The following PLXNA1 variants were observed in gnomAD, a reference collection of about 807,000 sequenced individuals.
PLXNA1 encodes plexin-A1.
A neutral mutation model predicts 191.7 loss-of-function variants in PLXNA1; 77 were observed. That is an observed-to-expected ratio of 0.40 (90% confidence interval 0.33 to 0.49). The LOEUF is 0.49. PLXNA1 is among the 20% of genes least tolerant of loss of function. The pLI, the probability that PLXNA1 is intolerant of heterozygous loss-of-function variation, is 0.63. For synonymous variants in PLXNA1, 1,137 were observed against 1,156.4 expected (o/e 0.98, Z 0.34); for missense variants, 2,110 against 2,660.2 (o/e 0.79, Z 4.55).
chr3:127,008,731 C>A (rs2079080765), intron 9 of PLXNA1, among the ~76,000 whole-genome samples: 2 of 152,120 alleles, frequency 1.3e-5, no homozygotes, highest in African/African-American at 4.8e-5. Context: ...GGCTGCACTT[C>A]CCTGCCAGGC....
chr3:127,006,481 G>T (rs1260257223), intron 8 of PLXNA1, among the ~76,000 whole-genome samples: 2 of 152,226 alleles, frequency 1.3e-5, no homozygotes, highest in African/African-American at 4.8e-5. Context: ...TGCCCCACAG[G>T]GATCTTGTAG....
rs1183432262 is a variant in PLXNA1, at chr3:127,030,390, C to T, written c.5209C>T (p.Arg1737Cys). The stretch of plus-strand genomic sequence containing the variant: ...GCACCAGATCCACGATGCTGACGTG[C>T]GCCACACCTGGAAGAGCAACTGGTA... ...DKHQIHDADV[R>C]HTWKSNCLPL... The change falls in exon 29 of 32, where the codon CGC (arginine) becomes TGC (cysteine). Residue 1737 changes from arginine (R) to cysteine (C), a missense_variant. Around this residue, in one of 4 missense-constraint regions of PLXNA1, gnomAD observed 559 missense variants for 911.5 expected, o/e 0.61. Transcript: ENST00000393409. 1.9e-6 allele frequency: 3 copies of T among 1,613,812 alleles called. No homozygotes were observed. Among genetic ancestry groups the T allele is most frequent in the Non-Finnish European group, 8.5e-7 (1 of 1,180,000 alleles).
chr3:127,007,787 C>G lies in PLXNA1; in HGVS notation c.1998-12C>G. ...GGGTCCCCAGGCTTCAGCACCCACC[C>G]TCTCCCTGCAGCTGCCTGTCCTGTG... On this transcript the variant is annotated splice_polypyrimidine_tract_variant and intron_variant, in intron 8 of 31. Coordinates refer to ENST00000393409, the MANE Select transcript of PLXNA1 (RefSeq NM_032242.4). 1 of 1,594,004 alleles carries G rather than the reference C, an allele frequency of 6.3e-7. No individual in the cohort carries two copies. The highest frequency in any genetic ancestry group is 2.2e-5 in the East Asian group (1 of 44,578).
In PLXNA1 at chr3:127,005,219, G is replaced by T; in HGVS notation, c.1873G>T (p.Val625Leu). Residue 625 changes from valine (V) to leucine (L), a missense_variant, in exon 7 of 32, where the codon GTG becomes TTG. Val to Leu is a conservative substitution (Grantham distance 32, BLOSUM62 1). Coordinates refer to ENST00000393409, the MANE Select transcript of PLXNA1 (RefSeq NM_032242.4). Reference sequence around the variant, plus strand: ...CTGCCGCTCACCCTCCGCCCGGGAGGTGGCGCCCATCACGCGGGGCCAGGG... The same window carrying T: ...CTGCCGCTCACCCTCCGCCCGGGAGTTGGCGCCCATCACGCGGGGCCAGGG... ...IHCRSPSAREVAPITRGQGDQ... is the reference protein window; with the variant it reads ...IHCRSPSARELAPITRGQGDQ... 1.2e-6 allele frequency: 2 copies of T among 1,610,762 alleles called. No homozygotes were observed. The highest frequency in any genetic ancestry group is 1.7e-6 in the Non-Finnish European group (2 of 1,179,176).
At chr3:127,012,483 G>T (rs1236607141) in intron 10 of PLXNA1, among the ~76,000 whole-genome samples, 2 of 152,236 alleles carry the variant, frequency 1.3e-5, no homozygotes, top group Non-Finnish European at 2.9e-5. Context: ...GCATCCGTGG[G>T]TCCCAGGCAT....
chr3:127,022,430 G>A, intron 22 of PLXNA1, 89 bp downstream of exon 22: 1 of 1,503,868 alleles, frequency 6.6e-7, no homozygotes, highest in East Asian at 2.3e-5. Flanking sequence ...AGACGTTGCT[G>A]TGGCAGTTCC....
chr3:127,014,803 C>T lies in PLXNA1; in HGVS notation c.2849C>T (p.Ala950Val). The change falls in exon 14 of 32, where the codon GCC becomes GTC. Residue 950 changes from alanine to valine, a missense_variant. Physicochemically the swap from Ala to Val is moderately conservative, Grantham distance 64. Coordinates refer to ENST00000393409, the MANE Select transcript of PLXNA1 (RefSeq NM_032242.4). ...CVRDCSPHYR[A>V]LSPKRFTFVT... ...CGGGACTGCTCACCACACTACCGCG[C>T]CCTGTCACCCAAGCGCTTCACCTTC... 4 of 1,612,736 alleles carry T rather than the reference C, an allele frequency of 2.5e-6. No individual in the cohort carries two copies. In the South Asian group the frequency reaches 4.4e-5, roughly 18 times the overall value.
At chr3:126,986,569 T>C (rs1343895432) in intron 1 of PLXNA1, among the ~76,000 whole-genome samples, 1 of 152,140 alleles carries the variant, frequency 6.6e-6, no homozygotes, top group African/African-American at 2.4e-5. Flanking sequence ...ATTCATTCGC[T>C]CACTCACGGG....
At chr3:127,011,075 C>T (rs1017874118) in intron 9 of PLXNA1, among the ~76,000 whole-genome samples, 1 of 152,320 alleles carries the variant, frequency 6.6e-6, no homozygotes, top group Admixed American at 6.5e-5. Flanking sequence ...TCACTGGGCG[C>T]GCCTCAGACT....
chr3:126,984,586 C>G (rs1576665179), intron 1 of PLXNA1, among the ~76,000 whole-genome samples: 1 of 152,250 alleles, frequency 6.6e-6, no homozygotes, highest in South Asian at 2.1e-4. Context: ...GGCATGTGAA[C>G]CAGTGATTCG....
Position 126,989,212 on chromosome 3 carries a change from A to C in PLXNA1, c.619A>C (p.Met207Leu), listed in dbSNP as rs939000109. ...CCCCACACTGTCCAGCCGTCGGCTC[A>C]TGGCCAACGAGGAGGATGCCGACAT... ...YFPTLSSRRL[M>L]ANEEDADMFG... The change falls in exon 2 of 32, where the codon ATG becomes CTG. Residue 207 changes from methionine (M) to leucine (L), a missense_variant. This residue lies in a region of PLXNA1 where 903 missense variants were observed against 1,015.7 expected (regional missense o/e 0.89). Coordinates refer to ENST00000393409, the MANE Select transcript of PLXNA1 (RefSeq NM_032242.4). 1 of 1,613,642 alleles carries C rather than the reference A, an allele frequency of 6.2e-7. No individual in the cohort carries two copies. Among genetic ancestry groups the C allele is most frequent in the Middle Eastern group, 1.6e-4 (1 of 6,062 alleles).
intron 3 of PLXNA1, among the ~76,000 whole-genome samples, chr3:127,000,737 G>A (rs1433063242): frequency 6.6e-6 from 1 of 152,204 alleles, no homozygotes; most frequent in Non-Finnish European, 1.5e-5. Context: ...CATGTCCTGG[G>A]GACCATTGTC....
chr3:127,013,238 C>G (rs2079104136), intron 10 of PLXNA1, among the ~76,000 whole-genome samples: 2 of 152,242 alleles, frequency 1.3e-5, no homozygotes, highest in South Asian at 2.1e-4. Context: ...CCTGCACTTT[C>G]CACCTGCGTC....
In PLXNA1 at chr3:126,988,929, C is replaced by T; in HGVS notation, c.336C>T (p.Asp112=). The T allele has an allele frequency of 6.2e-7, 1 of 1,613,238 alleles. No homozygotes were observed. The highest frequency in any genetic ancestry group is 8.5e-7 in the Non-Finnish European group (1 of 1,180,004). Residue 112 remains aspartate, a synonymous_variant, in exon 2 of 32, where the codon GAC becomes GAT. Coordinates refer to ENST00000393409, the MANE Select transcript of PLXNA1 (RefSeq NM_032242.4). ...QSCPHGLGST[D]NVNKLLLLDY... is the part of the protein sequence containing the mutation. ...GCCCCCACGGCCTGGGCAGTACTGA[C>T]AACGTCAACAAGCTGCTGCTGCTGG... is the stretch of plus-strand genomic sequence containing the variant.
At chr3:126,998,748 G>GGCCCCA (rs1333532745) in intron 3 of PLXNA1, among the ~76,000 whole-genome samples, 59 of 152,340 alleles carry the variant, frequency 3.9e-4, no homozygotes, top group African/African-American at 1.4e-3. Context: ...TGCTGGGGCA[G>GGCCCCA]GCTGGAGCCT....
At chr3:126,990,467 T>A (rs544638376) in intron 2 of PLXNA1, among the ~76,000 whole-genome samples, 2 of 152,312 alleles carry the variant, frequency 1.3e-5, no homozygotes, top group South Asian at 4.1e-4. Flanking sequence ...AGGGAGTGTC[T>A]TGTTCACACT....
chr3:126,995,107 C>G (rs1576671292), intron 3 of PLXNA1, among the ~76,000 whole-genome samples: 2 of 152,182 alleles, frequency 1.3e-5, no homozygotes, highest in Non-Finnish European at 2.9e-5. Context: ...CGGGCCAGTT[C>G]CTGTCAAACT....
intron 20 of PLXNA1, 102 bp downstream of exon 20, chr3:127,018,630 C>T: frequency 1.1e-6 from 1 of 897,588 alleles, no homozygotes; most frequent in East Asian, 2.6e-5. Flanking sequence ...CCTGCTTCAG[C>T]TCAGTTTACA....
In PLXNA1 at chr3:127,018,461, C is replaced by T; in HGVS notation, c.3828C>T (p.Arg1276=). ...AYKRKSRDAD[R]TLKRLQLQMD... ...AGCGCAAGTCACGAGATGCTGACCG[C>T]ACACTCAAGCGGCTGCAGCTCCAGA... is the stretch of plus-strand genomic sequence containing the variant. Residue 1276 remains arginine (R), a synonymous_variant, in exon 20 of 32, where the codon CGC becomes CGT. Transcript: ENST00000393409. The T allele has an allele frequency of 6.2e-7, 1 of 1,613,020 alleles. No homozygotes were observed. Among genetic ancestry groups the T allele is most frequent in the South Asian group, 1.1e-5 (1 of 91,080 alleles).
Sources: allele counts gnomAD v4.1 joint callset (sites outside exome capture counted in the v4.1 genomes callset), GRCh38; gene constraint gnomAD v4.1.1; regional missense constraint gnomAD v4.1.1; transcripts MANE v1.5; gene names NCBI Gene and HGNC (gene_info 2026-07-23, HGNC 2026-07-21).